Variants in RAB3C observed in about 807,000 individuals in gnomAD.
The protein encoded by RAB3C is ras-related protein Rab-3C.
In RAB3C, 17 loss-of-function variants were observed where a neutral mutation model predicts 26.4. That is an observed-to-expected ratio of 0.64 (90% CI 0.44 to 0.97). RAB3C has a LOEUF of 0.97. Among genes scored for constraint, RAB3C ranks in the 50% least tolerant of loss-of-function variants. RAB3C has a pLI of 0.00. For missense variants in RAB3C, 242 were observed against 281.9 expected (o/e 0.86, Z 1.01); for synonymous variants, 91 against 95.9 (o/e 0.95, Z 0.30).
Position 58,852,162 on chromosome 5 carries a change from A to C in RAB3C, c.*811A>C, listed in dbSNP as rs924203335. 1.3e-5 allele frequency: 2 copies of C among 152,212 alleles called. No homozygotes were observed. Among genetic ancestry groups the C allele is most frequent in the East Asian group, 3.9e-4 (2 of 5,178 alleles). The allele number at this position is 152,212 out of a possible 1,614,324, so 9.4% of individuals were successfully genotyped here. ...TCTACTGAATGCCAGTTATGCAACA[A>C]GCATTTTAACCAAGAAGGGTATGAG... On this transcript the variant is annotated 3_prime_UTR_variant, in exon 5 of 5. Transcript: ENST00000282878.
chr5:58,690,109 AG>A (rs2111856763), intron 2 of RAB3C, among the ~76,000 whole-genome samples: 1 of 152,284 alleles, frequency 6.6e-6, no homozygotes, highest in East Asian at 1.9e-4. Flanking sequence ...GGCAGAAATA[AG>A]GTTATTGAGA....
chr5:58,834,472 C>T (rs1561146416), intron 4 of RAB3C, among the ~76,000 whole-genome samples: 1 of 152,232 alleles, frequency 6.6e-6, no homozygotes, highest in Non-Finnish European at 1.5e-5. Context: ...GCCCTAAAGC[C>T]TATTTTTAAA....
chr5:58,741,422 C>G (rs1310511542), intron 3 of RAB3C, among the ~76,000 whole-genome samples: 1 of 152,110 alleles, frequency 6.6e-6, no homozygotes, highest in African/African-American at 2.4e-5. Context: ...TTTGGTCTTC[C>G]TAACATGGCC....
intron 3 of RAB3C, among the ~76,000 whole-genome samples, chr5:58,761,403 A>C (rs1741795145): frequency 6.6e-6 from 1 of 152,196 alleles, no homozygotes; most frequent in Non-Finnish European, 1.5e-5. Context: ...CTATCCCACA[A>C]ATATTTTTTA....
intron 2 of RAB3C, among the ~76,000 whole-genome samples, chr5:58,641,340 C>T (rs1028815793): frequency 6.6e-6 from 1 of 152,168 alleles, no homozygotes; most frequent in African/African-American, 2.4e-5. Context: ...AAGGAGAAAA[C>T]AAGAGAGTGC....
chr5:58,702,868 C>T (rs905404113), intron 2 of RAB3C, among the ~76,000 whole-genome samples: 1 of 152,176 alleles, frequency 6.6e-6, no homozygotes, highest in Non-Finnish European at 1.5e-5. Context: ...TAAATCTACA[C>T]ACTTTACTGA....
At chr5:58,813,623 TATATATATATACAC>T (rs1252014752) in intron 3 of RAB3C, among the ~76,000 whole-genome samples, 7,550 of 25,918 alleles carry the variant, frequency 0.29, 341 homozygotes, top group Middle Eastern at 0.48. Context: ...TATATATATA[TATATATATATACAC>T]ACACACACAC....
intron 2 of RAB3C, among the ~76,000 whole-genome samples, chr5:58,704,044 C>A (rs2111884522): frequency 6.6e-6 from 1 of 152,212 alleles, no homozygotes; most frequent in Admixed American, 6.5e-5. Context: ...AGAATTGAAC[C>A]TTTTACCCAG....
chr5:58,821,884 TC>T (rs1291113032), intron 3 of RAB3C, among the ~76,000 whole-genome samples: 1 of 152,220 alleles, frequency 6.6e-6, no homozygotes, highest in Non-Finnish European at 1.5e-5. Context: ...TGCTTTTTAT[TC>T]CCTCTTCAAG....
chr5:58,601,835 G>C (rs1016749960), intron 1 of RAB3C, among the ~76,000 whole-genome samples: 3 of 151,590 alleles, frequency 2.0e-5, no homozygotes, highest in East Asian at 1.9e-4. Context: ...TTGTTTGTTT[G>C]TTTCTTTCAA....
In RAB3C at chr5:58,583,324, G is replaced by A. The variant is rs1745945253; in HGVS notation, c.24+92G>A. Reference sequence around the variant, plus strand: ...CACAAGCAGTTCAACGTAAGGAAAGGTCTAGGCGGTCACCCGCGGAGATGC... The same window carrying A: ...CACAAGCAGTTCAACGTAAGGAAAGATCTAGGCGGTCACCCGCGGAGATGC... On this transcript the variant is annotated intron_variant, in intron 1 of 4. Coordinates refer to ENST00000282878, the MANE Select transcript of RAB3C (RefSeq NM_138453.4). The A allele has an allele frequency of 3.1e-6, 5 of 1,588,382 alleles. No individual in the cohort carries two copies. In the African/African-American group the frequency reaches 5.4e-5, roughly 17 times the overall value.
intron 1 of RAB3C, among the ~76,000 whole-genome samples, chr5:58,585,861 A>G (rs1468272572): frequency 1.3e-5 from 2 of 152,096 alleles, no homozygotes; most frequent in African/African-American, 4.8e-5. Flanking sequence ...AATCTAAATA[A>G]CCAGGAATAG....
At chr5:58,625,856 CAAA>C (rs11396391) in intron 2 of RAB3C, among the ~76,000 whole-genome samples, 1 of 122,376 alleles carries the variant, frequency 8.2e-6, no homozygotes, top group Admixed American at 8.5e-5. Context: ...GACTCTGTCT[CAAA>C]AAAAAAAAAA....
chr5:58,635,608 G>T (rs1747272983), intron 2 of RAB3C, among the ~76,000 whole-genome samples: 1 of 152,132 alleles, frequency 6.6e-6, no homozygotes, highest in South Asian at 2.1e-4. Context: ...GCTAGTGCAG[G>T]TGCCTGTCAG....
chr5:58,808,343 T>C (rs1742992183), intron 3 of RAB3C, among the ~76,000 whole-genome samples: 1 of 152,060 alleles, frequency 6.6e-6, no homozygotes, highest in Non-Finnish European at 1.5e-5. Context: ...CAGAGAAAAG[T>C]TGCAGAAAGA....
intron 3 of RAB3C, among the ~76,000 whole-genome samples, chr5:58,795,518 A>T (rs554266496): frequency 6.6e-6 from 1 of 152,290 alleles, no homozygotes; most frequent in South Asian, 2.1e-4. Flanking sequence ...AAGTTTTCTT[A>T]ACTATAGTTG....
intron 2 of RAB3C, among the ~76,000 whole-genome samples, chr5:58,647,322 G>T (rs1747541074): frequency 6.6e-6 from 1 of 152,184 alleles, no homozygotes; most frequent in Non-Finnish European, 1.5e-5. Context: ...AGAAGGTGAA[G>T]GGGAGGCAAG....
At chr5:58,663,823 A>G (rs1001699632) in intron 2 of RAB3C, among the ~76,000 whole-genome samples, 1 of 152,196 alleles carries the variant, frequency 6.6e-6, no homozygotes, top group African/African-American at 2.4e-5. Flanking sequence ...GCAAACTTGC[A>G]AAGCAATTGG....
chr5:58,822,501 G>A (rs1743365972), intron 3 of RAB3C: 1 of 181,590 alleles, frequency 5.5e-6, no homozygotes, highest in African/African-American at 2.4e-5. Context: ...TTGTTCTGCA[G>A]AATGGGGTTT....
Sources: gnomAD v4.1 joint callset for allele counts (sites outside exome capture counted in the v4.1 genomes callset) on GRCh38, gnomAD v4.1.1 for gene constraint, MANE v1.5 for transcripts, NCBI Gene and HGNC (gene_info 2026-07-23, HGNC 2026-07-21) for gene names.